Variants in DLG2 observed in about 807,000 individuals in gnomAD.
DLG2 encodes disks large homolog 2.
In DLG2, 45 loss-of-function variants were observed where a neutral mutation model predicts 132.5. That is an observed-to-expected ratio of 0.34 (90% CI 0.27 to 0.44). The LOEUF (loss-of-function observed/expected upper bound fraction) is 0.44. Among genes scored for constraint, DLG2 ranks in the 20% least tolerant of loss-of-function variants. The pLI is 1.00. For missense variants in DLG2, 1,045 were observed against 1,196.9 expected (o/e 0.87, Z 1.87); for synonymous variants, 424 against 419.6 (o/e 1.01, Z -0.13).
chr11:84,736,928 T>C (rs564208765), intron 6 of DLG2, among the ~76,000 whole-genome samples: 1 of 152,140 alleles, frequency 6.6e-6, no homozygotes, highest in Admixed American at 6.5e-5. Flanking sequence ...GATATCCCTG[T>C]TCCTGATCTT....
At chr11:85,015,691 A>T (rs1321293600) in intron 6 of DLG2, among the ~76,000 whole-genome samples, 1 of 152,174 alleles carries the variant, frequency 6.6e-6, no homozygotes, top group African/African-American at 2.4e-5. Context: ...ATAAATCTAT[A>T]AAGCTCATCA....
chr11:83,527,832 A>G (rs915440230), intron 21 of DLG2, among the ~76,000 whole-genome samples: 6 of 152,312 alleles, frequency 3.9e-5, no homozygotes, highest in African/African-American at 1.4e-4. Context: ...GAAGTTTGGC[A>G]TAAATCACTA....
At chr11:84,129,820 A>C (rs2154215325) in intron 9 of DLG2, among the ~76,000 whole-genome samples, 1 of 152,114 alleles carries the variant, frequency 6.6e-6, no homozygotes, top group East Asian at 1.9e-4. Flanking sequence ...CCCCAAAAGC[A>C]CTTATGAAAG....
Position 84,163,715 on chromosome 11 carries a change from A to G in DLG2, c.574-204T>C, listed in dbSNP as rs140967824. Among the ~76,000 whole-genome samples, 621 of 152,316 alleles carry G rather than the reference A, an allele frequency of 4.1e-3. 4 individuals carry two copies. The highest frequency in any genetic ancestry group is 0.014 in the African/African-American group (594 of 41,580). ...ATATATGACTGAGATGCTACAAAAA[A>G]TACTCAAAGATTATTGCTTCCCTTA... On this transcript the variant is annotated intron_variant, in intron 8 of 27. Transcript: ENST00000376104.
intron 10 of DLG2, among the ~76,000 whole-genome samples, chr11:84,092,130 A>T (rs895334122): frequency 6.6e-6 from 1 of 152,246 alleles, no homozygotes; most frequent in African/African-American, 2.4e-5. Context: ...CCCTTTTGCC[A>T]TATAAAGTAG....
At chr11:85,503,695 C>A (rs186119563) in intron 3 of DLG2, among the ~76,000 whole-genome samples, 3 of 152,016 alleles carry the variant, frequency 2.0e-5, no homozygotes, top group East Asian at 3.9e-4. Flanking sequence ...ACCTTGGGAG[C>A]CTAAGGTGGG....
At chr11:85,171,421 C>T (rs974429399) in intron 4 of DLG2, among the ~76,000 whole-genome samples, 1 of 152,142 alleles carries the variant, frequency 6.6e-6, no homozygotes, top group Non-Finnish European at 1.5e-5. Flanking sequence ...GAGATCCCCT[C>T]GTGAGCCAAT....
intron 3 of DLG2, among the ~76,000 whole-genome samples, chr11:85,542,218 T>C (rs2153209001): frequency 6.6e-6 from 1 of 152,328 alleles, no homozygotes; most frequent in African/African-American, 2.4e-5. Flanking sequence ...GAGATTTTAG[T>C]TACAATTCTT....
chr11:83,479,356 T>C (rs2092903263), intron 22 of DLG2, among the ~76,000 whole-genome samples: 1 of 145,988 alleles, frequency 6.8e-6, no homozygotes. Context: ...CATGGTTTTG[T>C]AAAGTACCAT....
chr11:85,278,731 G>A (rs1040387636), intron 4 of DLG2, among the ~76,000 whole-genome samples: 3 of 152,048 alleles, frequency 2.0e-5, no homozygotes, highest in Non-Finnish European at 2.9e-5. Flanking sequence ...ATTACACAAA[G>A]CCCATTTCTA....
chr11:84,120,292 C>CTTTTT (rs2093845530), intron 9 of DLG2, among the ~76,000 whole-genome samples: 1 of 151,962 alleles, frequency 6.6e-6, no homozygotes, highest in Non-Finnish European at 1.5e-5. Flanking sequence ...ACTAAGTAGA[C>CTTTTT]CCAAATGGAA....
intron 19 of DLG2, among the ~76,000 whole-genome samples, chr11:83,584,799 T>C (rs901744405): frequency 3.9e-5 from 6 of 152,178 alleles, no homozygotes; most frequent in African/African-American, 7.2e-5. Context: ...ATAAAGCAGA[T>C]TGTAGTGTCA....
At chr11:85,159,128 C>T (rs1274310834) in intron 4 of DLG2, among the ~76,000 whole-genome samples, 1 of 152,158 alleles carries the variant, frequency 6.6e-6, no homozygotes, top group Non-Finnish European at 1.5e-5. Context: ...TCAGACAGTT[C>T]AGGGATTACT....
intron 3 of DLG2, among the ~76,000 whole-genome samples, chr11:85,553,293 T>A (rs2076767429): frequency 6.6e-6 from 1 of 151,710 alleles, no homozygotes; most frequent in Admixed American, 6.6e-5. Flanking sequence ...GTACTTTTTA[T>A]ATGCCAAACA....
chr11:84,373,249 CA>C lies in DLG2; in HGVS notation c.520-121959del, dbSNP rs1397733901. 1.9e-4 allele frequency among the ~76,000 whole-genome samples: 8 copies of C among 41,666 alleles called. No individual in the cohort carries two copies. In the South Asian group the frequency reaches 3.9e-3, roughly 20 times the overall value. 27.3% of individuals were successfully genotyped at this position (41,666 alleles called of 152,430 possible). Reference sequence around the variant, plus strand: ...TTGTTTTTTCCAATTAAGAAACAGTCAAAAAAAAAAAAAAACAAAACAAAAA... The same window carrying C: ...TTGTTTTTTCCAATTAAGAAACAGTCAAAAAAAAAAAAAACAAAACAAAAA... On this transcript the variant is annotated intron_variant, in intron 7 of 27. Transcript: ENST00000376104.
At chr11:83,519,610 T>C (rs116431557) in intron 21 of DLG2, among the ~76,000 whole-genome samples, 351 of 152,308 alleles carry the variant, frequency 2.3e-3, no homozygotes, top group African/African-American at 8.2e-3. Context: ...GAAAAATTGT[T>C]CTATTTAGCA....
At chr11:84,921,343 GC>G (rs1337767587) in intron 6 of DLG2, among the ~76,000 whole-genome samples, 3 of 152,036 alleles carry the variant, frequency 2.0e-5, no homozygotes, top group Non-Finnish European at 4.4e-5. Flanking sequence ...GCTGTTTGTG[GC>G]AATGCATATG....
chr11:85,019,768 T>C (rs149551077), intron 6 of DLG2, among the ~76,000 whole-genome samples: 1,567 of 152,302 alleles, frequency 0.01, 26 homozygotes, highest in African/African-American at 0.036. Flanking sequence ...GGTTTCCAGC[T>C]TCATCCATGT....
intron 6 of DLG2, among the ~76,000 whole-genome samples, chr11:84,577,123 C>G (rs2099502417): frequency 6.6e-6 from 1 of 152,174 alleles, no homozygotes; most frequent in African/African-American, 2.4e-5. Flanking sequence ...GTAAGAAATG[C>G]CTTTTGCCTC....
Sources: allele counts gnomAD v4.1 joint callset (sites outside exome capture counted in the v4.1 genomes callset), GRCh38; gene constraint gnomAD v4.1.1; transcripts MANE v1.5; gene names NCBI Gene and HGNC (gene_info 2026-07-23, HGNC 2026-07-21).